The following CALN1 variants were observed in gnomAD, a reference collection of about 807,000 sequenced individuals.
CALN1 encodes the protein calneuron 1.
A neutral mutation model predicts 30.6 loss-of-function variants in CALN1; 17 were observed. That is an observed-to-expected ratio of 0.56 (90% CI 0.38 to 0.83). CALN1 has a LOEUF of 0.83. Ranked by LOEUF, CALN1 falls within the 40% of genes least tolerant of loss-of-function variation. The pLI, the probability that CALN1 is intolerant of heterozygous loss-of-function variation, is 0.00. For missense variants in CALN1, 291 were observed against 354.9 expected, an observed-to-expected ratio of 0.82 and a Z score of 1.45; for synonymous variants, 156 against 131.4, an observed-to-expected ratio of 1.19 and a Z score of -1.28.
chr7:71,847,844 AAGG>A (rs377603190), intron 5 of CALN1, among the ~76,000 whole-genome samples: 1,632 of 84,750 alleles, frequency 0.019, 19 homozygotes, highest in Non-Finnish European at 0.025. Flanking sequence ...GGAGAAGGAG[AAGG>A]AGAAGAAGAA....
chr7:72,266,638 C>T (rs376613251), intron 3 of CALN1, among the ~76,000 whole-genome samples: 13 of 152,044 alleles, frequency 8.6e-5, no homozygotes, highest in African/African-American at 3.1e-4. Context: ...ATGCCTTGAT[C>T]GCTTTTGGAA....
chr7:71,860,351 C>T (rs1791201861), intron 5 of CALN1, among the ~76,000 whole-genome samples: 1 of 152,052 alleles, frequency 6.6e-6, no homozygotes, highest in Non-Finnish European at 1.5e-5. Context: ...TGCCACCATG[C>T]CCAGCTAATT....
Position 71,793,321 on chromosome 7 carries a change from A to C in CALN1, c.659-5419T>G, listed in dbSNP as rs189339248. Among the ~76,000 whole-genome samples the C allele has an allele frequency of 7.5e-4, 112 of 149,484 alleles. 3 individuals carry two copies. The South Asian group carries it at 0.019, about 26-fold the overall frequency. ...AACTCCATCTCAAAACAAAACAAAA[A>C]AAAAGCACAGAGGAGCTTCTAGATC... On this transcript the variant is annotated intron_variant, in intron 6 of 6. Transcript: ENST00000395275.
chr7:72,411,968 C>T (rs1216136579), intron 1 of CALN1, 90 bp downstream of exon 1: 1 of 152,166 alleles, frequency 6.6e-6, no homozygotes, highest in Admixed American at 6.5e-5. Context: ...TGTCTCCAGA[C>T]TATGAAAGTA....
chr7:72,127,126 A>G (rs1808825516), intron 3 of CALN1, among the ~76,000 whole-genome samples: 1 of 151,820 alleles, frequency 6.6e-6, no homozygotes, highest in Non-Finnish European at 1.5e-5. Context: ...ATGGAATGGT[A>G]CCATTTAAAT....
In CALN1 at chr7:72,392,719, T is replaced by C. The variant is rs112998486; in HGVS notation, c.119+10532A>G. ...AGGTCAATGCAGTGGCACATATCTG[T>C]AATCCCAGCAGTTTGGGAAGCCAAG... On this transcript the variant is annotated intron_variant, in intron 2 of 6. Transcript: ENST00000395275. Among the ~76,000 whole-genome samples, 889 of 152,202 alleles carry C rather than the reference T, an allele frequency of 5.8e-3. 4 individuals are homozygous for C. Among genetic ancestry groups the C allele is most frequent in the African/African-American group, 0.02 (846 of 41,524 alleles).
At chr7:72,431,557 A>C in intron 1 of CALN1, among the ~76,000 whole-genome samples, 1 of 152,210 alleles carries the variant, frequency 6.6e-6, no homozygotes, top group East Asian at 1.9e-4. Context: ...AGTCAGATTA[A>C]GTCAGGTGCA....
the CALN1 span, among the ~76,000 whole-genome samples, chr7:72,454,137 G>A: frequency 6.6e-6 from 1 of 152,114 alleles, no homozygotes; most frequent in African/African-American, 2.4e-5. Context: ...TTTAGAACTT[G>A]GTTAGTGTAG....
intron 5 of CALN1, among the ~76,000 whole-genome samples, chr7:71,932,074 T>C (rs966473141): frequency 6.6e-6 from 1 of 152,218 alleles, no homozygotes; most frequent in African/African-American, 2.4e-5. Flanking sequence ...GCTTTTCTGT[T>C]GTGCCACTGG....
At chr7:72,451,209 A>AAGAAGGAGG (rs747175718), upstream of CALN1, among the ~76,000 whole-genome samples, 624 of 126,062 alleles carry the variant, frequency 4.9e-3, 9 homozygotes, top group African/African-American at 0.022. Context: ...GAAGAAGAAG[A>AAGAAGGAGG]AGGAGGAGGA....
intron 5 of CALN1, among the ~76,000 whole-genome samples, chr7:71,842,672 T>C (rs1388954004): frequency 6.6e-6 from 1 of 152,206 alleles, no homozygotes; most frequent in Non-Finnish European, 1.5e-5. Context: ...TTAGAGCACT[T>C]TGATAACATG....
rs189577197 is a variant in CALN1, at chr7:72,065,319, T to C, written c.388+40832A>G. ...ATCTGTTGACTGCTGCAAGTTTTAG[T>C]AGCCACATAACTCTACTTTCCATCA... On this transcript the variant is annotated intron_variant, in intron 4 of 6. Coordinates refer to ENST00000395275, the MANE Select transcript of CALN1 (RefSeq NM_031468.4). 3.2e-3 allele frequency among the ~76,000 whole-genome samples: 485 copies of C among 152,158 alleles called. 1 individual carries two copies. The highest frequency in any genetic ancestry group is 5.2e-3 in the Non-Finnish European group (353 of 68,010).
intron 3 of CALN1, among the ~76,000 whole-genome samples, chr7:72,173,408 C>A (rs888387654): frequency 6.6e-6 from 1 of 151,978 alleles, no homozygotes; most frequent in Non-Finnish European, 1.5e-5. Context: ...AGAGTTAATG[C>A]AATTACTATC....
chr7:72,110,772 G>A (rs541408952), intron 3 of CALN1, among the ~76,000 whole-genome samples: 6 of 152,090 alleles, frequency 3.9e-5, no homozygotes, highest in South Asian at 4.2e-4. Context: ...CAGGCAAACC[G>A]AGGCTTATTA....
At chr7:72,392,029 T>C (rs1362724961) in intron 2 of CALN1, among the ~76,000 whole-genome samples, 1 of 152,202 alleles carries the variant, frequency 6.6e-6, no homozygotes, top group Non-Finnish European at 1.5e-5. Flanking sequence ...AGTCCTAAAA[T>C]GCCAACCGGG....
chr7:72,414,214 T>C (rs2129563372), upstream of CALN1, among the ~76,000 whole-genome samples: 1 of 152,246 alleles, frequency 6.6e-6, no homozygotes, highest in East Asian at 1.9e-4. Context: ...CAGAGGCCCA[T>C]GGGCCTCCTT....
Position 72,181,741 on chromosome 7 carries a change from C to G in CALN1, c.245-75447G>C, listed in dbSNP as rs1789824025. ...CCGTCCATCTTGGCCTCCCAAAGTG[C>G]TGGGATTACGGGCATGAGCCACCAC... is the stretch of plus-strand genomic sequence containing the variant. On this transcript the variant is annotated intron_variant, in intron 3 of 6. Coordinates refer to ENST00000395275, the MANE Select transcript of CALN1 (RefSeq NM_031468.4). Among the ~76,000 whole-genome samples, 3 of 152,292 alleles carry G rather than the reference C, an allele frequency of 2.0e-5. No homozygotes were observed. The South Asian group carries it at 6.2e-4, about 32-fold the overall frequency.
intron 5 of CALN1, among the ~76,000 whole-genome samples, chr7:71,848,194 G>A (rs1229307047): frequency 6.6e-6 from 1 of 152,174 alleles, no homozygotes; most frequent in Non-Finnish European, 1.5e-5. Context: ...GTAAAGAACT[G>A]TTCAGACTGT....
chr7:72,358,558 C>G (rs367927244), intron 2 of CALN1, among the ~76,000 whole-genome samples: 1 of 152,166 alleles, frequency 6.6e-6, no homozygotes, highest in African/African-American at 2.4e-5. Context: ...GCACTGTGAT[C>G]CCCGTCAACC....
Sources: gnomAD v4.1 joint callset for allele counts (sites outside exome capture counted in the v4.1 genomes callset) on GRCh38, gnomAD v4.1.1 for gene constraint, MANE v1.5 for transcripts, NCBI Gene and HGNC (gene_info 2026-07-23, HGNC 2026-07-21) for gene names.